The following NMNAT1 variants were observed in gnomAD, a reference collection of about 807,000 sequenced individuals.
The protein encoded by NMNAT1 is nicotinamide nucleotide adenylyltransferase 1.
NMNAT1 carries 11 observed loss-of-function variants against 16.7 expected under a neutral mutation model. The observed-to-expected ratio is 0.66, with a 90% confidence interval of 0.41 to 1.09. The LOEUF is 1.09. Among genes scored for constraint, NMNAT1 ranks in the 50% least tolerant of loss-of-function variants. The pLI is 0.00. For missense variants in NMNAT1, 280 were observed against 332.3 expected (o/e 0.84, Z 1.22); for synonymous variants, 110 against 119.8 (o/e 0.92, Z 0.53).
chr1:9,982,407 G>A lies in NMNAT1; in HGVS notation c.546G>A (p.Gly182=). The A allele has an allele frequency of 6.2e-7, 1 of 1,614,134 alleles. No homozygotes were observed. Among genetic ancestry groups the A allele is most frequent in the Non-Finnish European group, 8.5e-7 (1 of 1,180,038 alleles). Reference sequence around the variant, plus strand: ...TCACCCAAATCGTGGCCAACTATGGGCTCATATGTGTTACTCGGGCTGGAA... The same window carrying A: ...TCACCCAAATCGTGGCCAACTATGGACTCATATGTGTTACTCGGGCTGGAA... ...EDITQIVANY[G]LICVTRAGND... is the part of the protein sequence containing the mutation. Residue 182 remains glycine, a synonymous_variant, in exon 5 of 5, where the codon GGG becomes GGA. Coordinates refer to ENST00000377205, the MANE Select transcript of NMNAT1 (RefSeq NM_022787.4).
At chr1:9,974,773 C>G (rs1221003406) in intron 2 of NMNAT1, among the ~76,000 whole-genome samples, 2 of 152,026 alleles carry the variant, frequency 1.3e-5, no homozygotes, top group Non-Finnish European at 2.9e-5. Flanking sequence ...ATTCTCCTGC[C>G]TTGGTCTCCC....
At position 9,972,830 on chromosome 1, in the gene NMNAT1, A is replaced by G. The variant is rs565449021; in HGVS notation, c.115+642A>G. Among the ~76,000 whole-genome samples, 7 of 152,042 alleles carry G rather than the reference A, an allele frequency of 4.6e-5. No homozygotes were observed. The South Asian group carries it at 1.5e-3, about 32-fold the overall frequency. On this transcript the variant is annotated intron_variant, in intron 2 of 4. Coordinates refer to ENST00000377205, the MANE Select transcript of NMNAT1 (RefSeq NM_022787.4). ...GTAAACATTAGCCAGGTATGGTGGC[A>G]TGTGCCTGTGGTCCCAGCTACTCAG...
intron 1 of NMNAT1, among the ~76,000 whole-genome samples, chr1:9,950,975 G>C (rs1207625673): frequency 1.3e-5 from 2 of 152,020 alleles, no homozygotes; most frequent in Non-Finnish European, 2.9e-5. Context: ...TTTAATTCCA[G>C]CTACTGGGGA....
chr1:9,962,654 C>T (rs1206221770), intron 1 of NMNAT1, among the ~76,000 whole-genome samples: 1 of 137,702 alleles, frequency 7.3e-6, no homozygotes, highest in East Asian at 2.1e-4. Context: ...GAGATCAAAT[C>T]AAGATCACAC....
Position 9,982,455 on chromosome 1 carries a change from T to C in NMNAT1, c.594T>C (p.Tyr198=). The change falls in exon 5 of 5, where the codon TAT becomes TAC. Residue 198 remains tyrosine (Y), a synonymous_variant. Coordinates refer to ENST00000377205, the MANE Select transcript of NMNAT1 (RefSeq NM_022787.4). ...GAAATGATGCTCAGAAGTTTATCTA[T>C]GAATCGGATGTGCTGTGGAAACACC... is the stretch of plus-strand genomic sequence containing the variant. ...RAGNDAQKFI[Y]ESDVLWKHRS... is the part of the protein sequence containing the mutation. 1 of 1,614,152 alleles carries C rather than the reference T, an allele frequency of 6.2e-7. No homozygotes were observed. Among genetic ancestry groups the C allele is most frequent in the Non-Finnish European group, 8.5e-7 (1 of 1,180,034 alleles).
intron 1 of NMNAT1, among the ~76,000 whole-genome samples, chr1:9,961,956 C>T (rs1171749345): frequency 6.6e-6 from 1 of 151,704 alleles, no homozygotes; most frequent in African/African-American, 2.4e-5. Flanking sequence ...TTAGTAGAGA[C>T]GGGGTTTCTC....
At chr1:9,991,623 C>A in the NMNAT1 span, among the ~76,000 whole-genome samples, 1 of 152,090 alleles carries the variant, frequency 6.6e-6, no homozygotes, top group South Asian at 2.1e-4. Context: ...TGAGTACTTA[C>A]CAGGCACTGT....
chr1:9,983,616 A>T lies in NMNAT1; in HGVS notation c.*915A>T, dbSNP rs1291021537. 6.6e-6 allele frequency: 1 copy of T among 151,906 alleles called. No homozygotes were observed. Among genetic ancestry groups the T allele is most frequent in the African/African-American group, 2.4e-5 (1 of 41,222 alleles). 9.4% of individuals were successfully genotyped at this position (151,906 alleles called of 1,614,324 possible). A position where few individuals can be genotyped will look rare whatever the true frequency, so the allele number is the denominator to read the frequency against. On this transcript the variant is annotated 3_prime_UTR_variant, in exon 5 of 5. Coordinates refer to ENST00000377205, the MANE Select transcript of NMNAT1 (RefSeq NM_022787.4). ...GGTTGCAGTAAGCCAAGATCGTGCC[A>T]TTGCACTCCAGCCTGGGTGACAGAG...
At chr1:9,952,688 C>G (rs990707827) in intron 1 of NMNAT1, among the ~76,000 whole-genome samples, 1 of 151,962 alleles carries the variant, frequency 6.6e-6, no homozygotes, top group South Asian at 2.1e-4. Flanking sequence ...TAGGTGTGCA[C>G]CACCACTTCT....
At chr1:9,961,280 C>T (rs1641400670) in intron 1 of NMNAT1, among the ~76,000 whole-genome samples, 1 of 152,110 alleles carries the variant, frequency 6.6e-6, no homozygotes, top group Admixed American at 6.6e-5. Flanking sequence ...GCAGCAGCTC[C>T]CTTGAGGACC....
chr1:9,956,731 C>CTTTTT (rs1269404630), intron 1 of NMNAT1, among the ~76,000 whole-genome samples: 1 of 119,390 alleles, frequency 8.4e-6, no homozygotes, highest in Non-Finnish European at 1.8e-5. Context: ...CCTTGTTTAC[C>CTTTTT]TTTTTTTTTT....
At chr1:9,945,234 AAAAACAAAAC>A (rs200717720) in intron 1 of NMNAT1, among the ~76,000 whole-genome samples, 10 of 152,222 alleles carry the variant, frequency 6.6e-5, no homozygotes, top group African/African-American at 1.9e-4. Context: ...TCCGTCTTAA[AAAAACAAAAC>A]AAAACAAAAC....
intron 1 of NMNAT1, among the ~76,000 whole-genome samples, chr1:9,966,036 C>T (rs1442333155): frequency 3.3e-5 from 5 of 151,936 alleles, no homozygotes; most frequent in African/African-American, 1.2e-4. Flanking sequence ...CGGTGGCTCA[C>T]GCCTGTAATC....
rs758945727 is a variant in NMNAT1, at chr1:9,981,149, T to A, written c.418T>A (p.Ser140Thr). ...TETQDSSQKK[S>T]LEPKTKAVPK... ...AACACAAGATTCTAGTCAAAAGAAA[T>A]CCCTAGAGCCAAAAACAAAAGGTTT... Residue 140 changes from serine (S) to threonine (T), a missense_variant, in exon 4 of 5, where the codon TCC becomes ACC. Transcript: ENST00000377205. The A allele has an allele frequency of 6.8e-6, 11 of 1,611,604 alleles. No individual in the cohort carries two copies. The South Asian group carries it at 7.7e-5, about 11-fold the overall frequency.
intron 1 of NMNAT1, among the ~76,000 whole-genome samples, chr1:9,954,237 A>T (rs556685857): frequency 6.6e-6 from 1 of 151,298 alleles, no homozygotes; most frequent in East Asian, 1.9e-4. Flanking sequence ...TTTTTTGGAG[A>T]TAGGGCCTCC....
intron 3 of NMNAT1, among the ~76,000 whole-genome samples, chr1:9,977,237 G>T (rs1244512428): frequency 6.6e-6 from 1 of 151,804 alleles, no homozygotes; most frequent in African/African-American, 2.4e-5. Context: ...ATGTTATTTT[G>T]ATTTTTTTAA....
At chr1:9,959,240 C>A (rs931414498) in intron 1 of NMNAT1, among the ~76,000 whole-genome samples, 1 of 151,784 alleles carries the variant, frequency 6.6e-6, no homozygotes, top group Non-Finnish European at 1.5e-5. Flanking sequence ...GGTGTGGTGG[C>A]GGGCGCCTGT....
Position 9,956,172 on chromosome 1 carries a change from T to C in NMNAT1, c.-57+12657T>C, listed in dbSNP as rs185766062. 6.8e-3 allele frequency among the ~76,000 whole-genome samples: 991 copies of C among 146,312 alleles called. 9 individuals are homozygous for C. Among genetic ancestry groups the C allele is most frequent in the African/African-American group, 0.023 (926 of 40,504 alleles). The stretch of plus-strand genomic sequence containing the variant: ...ATAACGTTTACCATGTTTCTTTTCT[T>C]TTTTTTTTTTTTTTTGAGACAGAGT... On this transcript the variant is annotated intron_variant, in intron 1 of 4. Coordinates refer to ENST00000377205, the MANE Select transcript of NMNAT1 (RefSeq NM_022787.4).
chr1:9,992,799 C>G, the NMNAT1 span, among the ~76,000 whole-genome samples: 413 of 152,226 alleles, frequency 2.7e-3, 1 homozygote, highest in African/African-American at 9.6e-3. Flanking sequence ...GTAGTCCCAG[C>G]TACTCAGGAG....
Sources: allele counts gnomAD v4.1 joint callset (sites outside exome capture counted in the v4.1 genomes callset), GRCh38; gene constraint gnomAD v4.1.1; transcripts MANE v1.5; gene names NCBI Gene and HGNC (gene_info 2026-07-23, HGNC 2026-07-21).